The following TG variants were observed in gnomAD, a reference collection of about 807,000 sequenced individuals.
The protein encoded by TG is thyroglobulin.
TG carries 270 observed loss-of-function variants against 324.7 expected under a neutral mutation model. That is an observed-to-expected ratio of 0.83 (90% CI 0.75 to 0.92). The LOEUF (loss-of-function observed/expected upper bound fraction) is 0.92. TG is among the 40% of genes least tolerant of loss of function. TG has a pLI of 0.00. For missense variants in TG, 3,591 were observed against 3,456.4 expected, an observed-to-expected ratio of 1.04 and a Z score of -0.98; for synonymous variants, 1,401 against 1,327.0, an observed-to-expected ratio of 1.06 and a Z score of -1.21.
At chr8:132,892,683 GTTTA>G (rs1177794657) in intron 10 of TG, among the ~76,000 whole-genome samples, 1 of 151,994 alleles carries the variant, frequency 6.6e-6, no homozygotes, top group African/African-American at 2.4e-5. Flanking sequence ...TGTGGTGGGT[GTTTA>G]TGTATGTGTG....
chr8:133,133,734 C>G, intron 47 of TG, 74 bp downstream of exon 47: 1 of 1,505,124 alleles, frequency 6.6e-7, no homozygotes, highest in African/African-American at 1.4e-5. Flanking sequence ...TGCATGAGAC[C>G]TGTGCTGCGC....
At chr8:133,050,646 C>T (rs2131220736) in intron 41 of TG, 1 of 595,664 alleles carries the variant, frequency 1.7e-6, no homozygotes, top group South Asian at 2.0e-5. Flanking sequence ...GGTTCTAGAG[C>T]ACTGGCCACA....
At chr8:132,942,232 T>A (rs997487178) in intron 26 of TG, among the ~76,000 whole-genome samples, 1 of 152,236 alleles carries the variant, frequency 6.6e-6, no homozygotes, top group Non-Finnish European at 1.5e-5. Context: ...GAAGTTGCAC[T>A]TCCCTTGTTT....
At chr8:133,000,615 C>T (rs1833372999) in intron 35 of TG, among the ~76,000 whole-genome samples, 1 of 152,148 alleles carries the variant, frequency 6.6e-6, no homozygotes, top group Admixed American at 6.5e-5. Flanking sequence ...CAGACAGCTG[C>T]GTGTGGATGG....
Position 132,871,485 on chromosome 8 carries a change from T to C in TG, c.412T>C (p.Cys138Arg). 1 of 1,614,052 alleles carries C rather than the reference T, an allele frequency of 6.2e-7. No individual in the cohort carries two copies. Among genetic ancestry groups the C allele is most frequent in the Admixed American group, 1.7e-5 (1 of 60,020 alleles). Residue 138 changes from cysteine (C) to arginine (R), a missense_variant, in exon 4 of 48, where the codon TGC becomes CGC. Transcript: ENST00000220616. ...PVQCDVQQVQ[C>R]WCVDAEGMEV... ...TCAGTGTGATGTGCAGCAGGTCCAG[T>C]GCTGGTGTGTGGACGCAGAGGGGAT...
intron 41 of TG, among the ~76,000 whole-genome samples, chr8:133,070,819 C>A (rs1445290593): frequency 6.6e-6 from 1 of 152,206 alleles, no homozygotes; most frequent in African/African-American, 2.4e-5. Flanking sequence ...CTGCAGGCAC[C>A]CCCGCTCCTG....
At chr8:132,944,051 C>T (rs986462036) in intron 26 of TG, among the ~76,000 whole-genome samples, 5 of 152,128 alleles carry the variant, frequency 3.3e-5, no homozygotes, top group African/African-American at 7.2e-5. Context: ...CTTGGACATC[C>T]GTTAGGAATC....
At chr8:133,042,180 A>T (rs1272948332) in intron 41 of TG, among the ~76,000 whole-genome samples, 1 of 152,098 alleles carries the variant, frequency 6.6e-6, no homozygotes, top group Non-Finnish European at 1.5e-5. Context: ...ACCAAAATCA[A>T]TCTTATTGAC....
chr8:132,970,870 A>G (rs1311245655), intron 32 of TG, among the ~76,000 whole-genome samples: 4 of 152,170 alleles, frequency 2.6e-5, no homozygotes. Context: ...GAGAACTAGG[A>G]GATGGAAAAG....
intron 41 of TG, chr8:133,045,249 C>T: frequency 1.2e-6 from 1 of 823,474 alleles, no homozygotes; most frequent in South Asian, 1.6e-5. Context: ...AGGATGCAGC[C>T]CCTCCCTCCA....
intron 23 of TG, among the ~76,000 whole-genome samples, chr8:132,929,951 A>G (rs1366983066): frequency 6.6e-6 from 1 of 152,172 alleles, no homozygotes; most frequent in Non-Finnish European, 1.5e-5. Flanking sequence ...TCCCTCACCC[A>G]GGTAGTGAGC....
At chr8:132,983,213 C>T (rs901808208) in intron 34 of TG, 137 bp from the exon 35 acceptor site, 5 of 885,266 alleles carry the variant, frequency 5.6e-6, no homozygotes, top group South Asian at 1.3e-5. Flanking sequence ...CCACCCTGAC[C>T]GATACAGGTT....
intron 41 of TG, among the ~76,000 whole-genome samples, chr8:133,051,302 G>C (rs1452691213): frequency 1.6e-4 from 25 of 152,166 alleles, no homozygotes; most frequent in Admixed American, 1.6e-3. Flanking sequence ...GAGAGGAGAT[G>C]AGAGTATGTT....
At chr8:133,011,822 G>A (rs1374148055) in intron 35 of TG, 79 bp from the exon 36 acceptor site, 16 of 1,600,890 alleles carry the variant, frequency 1.0e-5, no homozygotes, top group Non-Finnish European at 1.4e-5. Flanking sequence ...TGCCTTTGGG[G>A]ATATTGGGTA....
intron 43 of TG, among the ~76,000 whole-genome samples, chr8:133,111,537 A>G (rs1850247575): frequency 6.6e-6 from 1 of 152,234 alleles, no homozygotes; most frequent in South Asian, 2.1e-4. Context: ...AGCAGGTTGT[A>G]GAGTCCACAA....
At chr8:132,974,734 T>A (rs948143347) in intron 34 of TG, among the ~76,000 whole-genome samples, 13 of 152,136 alleles carry the variant, frequency 8.5e-5, no homozygotes, top group African/African-American at 3.1e-4. Context: ...AACTAACAAA[T>A]CAAACCAGTT....
chr8:133,095,159 C>T lies in TG; in HGVS notation c.7355C>T (p.Ser2452Phe). 1 of 1,614,232 alleles carries T rather than the reference C, an allele frequency of 6.2e-7. No homozygotes were observed. Among genetic ancestry groups the T allele is most frequent in the South Asian group, 1.1e-5 (1 of 91,084 alleles). ...CPMSSSQEVV[S>F]CLRQKPANVL... is the part of the protein sequence containing the mutation. ...ATGTCATCCAGCCAAGAAGTGGTGT[C>T]CTGCCTCCGCCAGAAGCCTGCCAAT... The change falls in exon 42 of 48, where the codon TCC (serine) becomes TTC (phenylalanine). Residue 2452 changes from serine (S) to phenylalanine (F), a missense_variant. Ser to Phe is a radical substitution (Grantham distance 155). Transcript: ENST00000220616.
At chr8:133,116,086 G>A (rs1240867157) in intron 44 of TG, among the ~76,000 whole-genome samples, 1 of 152,016 alleles carries the variant, frequency 6.6e-6, no homozygotes, top group Non-Finnish European at 1.5e-5. Flanking sequence ...GGTTCTCTAG[G>A]GGAGGTAGAG....
At chr8:132,960,743 C>G (rs752105620) in intron 27 of TG, among the ~76,000 whole-genome samples, 1 of 152,176 alleles carries the variant, frequency 6.6e-6, no homozygotes, top group Non-Finnish European at 1.5e-5. Context: ...CTTTAAGTGA[C>G]TCTCCCGAGT....
Sources: gnomAD v4.1 joint callset for allele counts (sites outside exome capture counted in the v4.1 genomes callset) on GRCh38, gnomAD v4.1.1 for gene constraint, MANE v1.5 for transcripts, NCBI Gene and HGNC (gene_info 2026-07-23, HGNC 2026-07-21) for gene names.